The following TP63 variants were observed in gnomAD, a reference collection of about 807,000 sequenced individuals.
TP63 encodes tumor protein p63, also known as tumor protein 63.
TP63 carries 17 observed loss-of-function variants against 82.8 expected under a neutral mutation model. The ratio of observed to expected loss-of-function variants is 0.21; its 90% CI spans 0.14 to 0.31. The LOEUF (loss-of-function observed/expected upper bound fraction) is 0.31. Ranked by LOEUF, TP63 falls within the 10% of genes least tolerant of loss-of-function variation. TP63 has a pLI of 1.00. For synonymous variants in TP63, 330 were observed against 321.7 expected (o/e 1.03, Z -0.28); for missense variants, 648 against 895.3 (o/e 0.72, Z 3.52).
intron 1 of TP63, among the ~76,000 whole-genome samples, chr3:189,644,281 C>T (rs1232460339): frequency 1.3e-5 from 2 of 151,010 alleles, no homozygotes; most frequent in African/African-American, 4.9e-5. Flanking sequence ...AAGTCCCTTC[C>T]CCTCTCTCAT....
At chr3:189,720,364 T>C (rs533453073) in intron 1 of TP63, among the ~76,000 whole-genome samples, 2 of 152,306 alleles carry the variant, frequency 1.3e-5, no homozygotes. Flanking sequence ...TTTCATTTAC[T>C]TGTGAAAAAA....
At chr3:189,660,475 A>G (rs1387298050) in intron 1 of TP63, among the ~76,000 whole-genome samples, 3 of 151,942 alleles carry the variant, frequency 2.0e-5, no homozygotes, top group Non-Finnish European at 2.9e-5. Flanking sequence ...ACTCTAGCCT[A>G]TAGTTTAAAG....
At chr3:189,699,138 G>A (rs1480181486) in intron 1 of TP63, among the ~76,000 whole-genome samples, 1 of 152,098 alleles carries the variant, frequency 6.6e-6, no homozygotes, top group Non-Finnish European at 1.5e-5. Flanking sequence ...AATACAGTGA[G>A]CATTTCCTCT....
chr3:189,722,641 G>A (rs556765318), intron 1 of TP63, among the ~76,000 whole-genome samples: 104 of 152,256 alleles, frequency 6.8e-4, no homozygotes, highest in African/African-American at 2.3e-3. Context: ...ACTACTCCAG[G>A]CGCAGAAAGC....
At chr3:189,614,575 C>T in the TP63 span, among the ~76,000 whole-genome samples, 2 of 152,160 alleles carry the variant, frequency 1.3e-5, no homozygotes, top group African/African-American at 2.4e-5. Context: ...GCATTCATTC[C>T]CTTGTAAGAC....
At chr3:189,890,687 T>C in intron 12 of TP63, 102 bp from the exon 13 acceptor site, 1 of 1,072,422 alleles carries the variant, frequency 9.3e-7, no homozygotes, top group South Asian at 1.3e-5. Context: ...ATGTGGGGCA[T>C]CCAAGGGCAA....
At chr3:189,761,299 G>C (rs755277886) in intron 3 of TP63, among the ~76,000 whole-genome samples, 7 of 152,142 alleles carry the variant, frequency 4.6e-5, no homozygotes, top group Admixed American at 2.6e-4. Flanking sequence ...TTTTGAAACT[G>C]AATGCATTTA....
chr3:189,670,906 T>G (rs1454876947), intron 1 of TP63, among the ~76,000 whole-genome samples: 1 of 152,036 alleles, frequency 6.6e-6, no homozygotes, highest in Admixed American at 6.6e-5. Context: ...AAAACTTAAA[T>G]GTAAGATACA....
At chr3:189,881,013 T>C in intron 10 of TP63, 1 of 985,414 alleles carries the variant, frequency 1.0e-6, no homozygotes, top group South Asian at 4.7e-5. Flanking sequence ...CCCAGTAATA[T>C]TGCCCTTACG....
intron 9 of TP63, among the ~76,000 whole-genome samples, chr3:189,872,598 G>A (rs1718564490): frequency 6.6e-6 from 1 of 152,044 alleles, no homozygotes; most frequent in Non-Finnish European, 1.5e-5. Flanking sequence ...GTGGGTTTAC[G>A]GTATAAGAGC....
intron 6 of TP63, among the ~76,000 whole-genome samples, chr3:189,867,560 A>ATG (rs1283260361): frequency 2.0e-5 from 3 of 152,172 alleles, no homozygotes; most frequent in African/African-American, 4.8e-5. Flanking sequence ...GAATTACATG[A>ATG]TGTGGATCAG....
In TP63 at chr3:189,738,788, G is replaced by A. The variant is rs748128152; in HGVS notation, c.324+14G>A. The stretch of plus-strand genomic sequence containing the variant: ...GACCCCATGTGGGTGAGTGGCACAG[G>A]CTTTCTCTTCAGTCTTTGGGCCATG... On this transcript the variant is annotated intron_variant, in intron 3 of 13. Coordinates refer to ENST00000264731, the MANE Select transcript of TP63 (RefSeq NM_003722.5). 3 of 1,613,724 alleles carry A rather than the reference G, an allele frequency of 1.9e-6. No individual in the cohort carries two copies. Among genetic ancestry groups the A allele is most frequent in the South Asian group, 2.2e-5 (2 of 91,052 alleles).
At chr3:189,608,127 G>A in the TP63 span, among the ~76,000 whole-genome samples, 1 of 152,074 alleles carries the variant, frequency 6.6e-6, no homozygotes, top group African/African-American at 2.4e-5. Flanking sequence ...TCAAATTTCA[G>A]TTCCTAATTA....
intron 4 of TP63, among the ~76,000 whole-genome samples, chr3:189,840,466 G>A (rs574017081): frequency 2.2e-5 from 3 of 136,340 alleles, no homozygotes; most frequent in African/African-American, 5.6e-5. Context: ...GATTGTGTAC[G>A]TGTGTGTGTG....
At chr3:189,830,821 T>C (rs1376621591) in intron 4 of TP63, among the ~76,000 whole-genome samples, 2 of 152,196 alleles carry the variant, frequency 1.3e-5, no homozygotes, top group African/African-American at 2.4e-5. Context: ...AGGGAGCATA[T>C]AGACACTTAG....
intron 10 of TP63, chr3:189,881,631 C>T (rs1487297324): frequency 2.3e-5 from 15 of 664,650 alleles, no homozygotes; most frequent in Non-Finnish European, 2.6e-5. Context: ...TTTGTTCCTA[C>T]GTACATTTCT....
intron 1 of TP63, among the ~76,000 whole-genome samples, chr3:189,633,527 C>T (rs185111358): frequency 3.9e-5 from 6 of 152,144 alleles, no homozygotes; most frequent in East Asian, 1.9e-4. Flanking sequence ...TAATGGCCTC[C>T]GGCTCCATCC....
intron 10 of TP63, among the ~76,000 whole-genome samples, chr3:189,875,605 T>TATATATATATAC (rs1560289093): frequency 1.7e-5 from 1 of 58,690 alleles, no homozygotes; most frequent in African/African-American, 6.2e-5. Context: ...TATATATATA[T>TATATATATATAC]ATATATATAT....
At chr3:189,761,058 A>G (rs980236237) in intron 3 of TP63, among the ~76,000 whole-genome samples, 2 of 152,152 alleles carry the variant, frequency 1.3e-5, no homozygotes, top group African/African-American at 2.4e-5. Context: ...GGGCTTGCCT[A>G]TGAAAGCACT....
Sources: allele counts gnomAD v4.1 joint callset (sites outside exome capture counted in the v4.1 genomes callset), GRCh38; gene constraint gnomAD v4.1.1; transcripts MANE v1.5; gene names NCBI Gene and HGNC (gene_info 2026-07-23, HGNC 2026-07-21).